TJAP1: variants seen among roughly 807,000 people sequenced by gnomAD.
The protein encoded by TJAP1 is tight junction associated protein 1, also known as tight junction-associated protein 1.
A neutral mutation model predicts 42.0 loss-of-function variants in TJAP1; 27 were observed. The observed-to-expected ratio is 0.64, with a 90% CI of 0.47 to 0.89. The LOEUF (loss-of-function observed/expected upper bound fraction) is 0.89. TJAP1 is among the 40% of genes least tolerant of loss of function. TJAP1 has a pLI of 0.00. For missense variants in TJAP1, 712 were observed against 726.9 expected, an observed-to-expected ratio of 0.98 and a Z score of 0.24; for synonymous variants, 257 against 288.4, an observed-to-expected ratio of 0.89 and a Z score of 1.10.
chr6:43,489,975 C>T (rs1044589311), intron 2 of TJAP1, among the ~76,000 whole-genome samples: 4 of 152,176 alleles, frequency 2.6e-5, no homozygotes, highest in Non-Finnish European at 4.4e-5. Flanking sequence ...ATGAGTCTGT[C>T]GCTAACTGCA....
rs111596658 is a variant in TJAP1 at position 43,491,222 on chromosome 6, C to T, written c.-121-6659C>T. Reference sequence around the variant, plus strand: ...ACTCCTGAGCGGGATGATGATTTCTCGGAGGTTGATAGATTAAGAGACCAA... The same window carrying T: ...ACTCCTGAGCGGGATGATGATTTCTTGGAGGTTGATAGATTAAGAGACCAA... On this transcript the variant is annotated intron_variant, in intron 2 of 10. Coordinates refer to ENST00000372449, the Ensembl canonical transcript of TJAP1. This position sits in a 1 kb window ranked among gnomAD's most constrained non-coding sequence, Gnocchi z 4.6. Among the ~76,000 whole-genome samples, 59 of 152,064 alleles carry T rather than the reference C, an allele frequency of 3.9e-4. 1 individual carries two copies. Among genetic ancestry groups the T allele is most frequent in the Middle Eastern group, 3.4e-3 (1 of 294 alleles).
chr6:43,502,594 C>A, exon 8 of TJAP1: 1 of 1,551,796 alleles, frequency 6.4e-7, no homozygotes, highest in Non-Finnish European at 8.7e-7. Flanking sequence ...TCAGGCCTCT[C>A]TTAGCCACAG....
intron 2 of TJAP1, among the ~76,000 whole-genome samples, chr6:43,488,992 G>T (rs1787191035): frequency 6.6e-6 from 1 of 152,186 alleles, no homozygotes; most frequent in Non-Finnish European, 1.5e-5. Flanking sequence ...TGAGTCATCA[G>T]AGAGCCTGCA....
exon 11 of TJAP1, chr6:43,504,922 C>T (rs775237568): frequency 3.7e-6 from 6 of 1,614,076 alleles, no homozygotes; most frequent in African/African-American, 2.7e-5. Flanking sequence ...TCAATTCAGC[C>T]CAGTCAGGCA....
rs1451369688 is a variant in TJAP1 at position 43,505,703 on chromosome 6, G to A, written c.1522G>A (p.Glu508Lys). ...GCTGCCCATTAACAGGGGCACAGAG[G>A]AGGGGCCAGGCACTTCCCACACCGA... Residue 508 changes from glutamate (E) to lysine (K), a missense_variant, in exon 11 of 11, where the codon GAG (glutamate) becomes AAG (lysine). Physicochemically the swap from Glu to Lys is moderately conservative, Grantham distance 56. This residue lies in a region of TJAP1 where 549 missense variants were observed against 528.2 expected (regional missense o/e 1.04). Transcript: ENST00000372449. The surrounding 1 kb of genome is among the most constrained non-coding windows in gnomAD (Gnocchi z 5.5). 6.3e-7 allele frequency: 1 copy of A among 1,593,986 alleles called. No homozygotes were observed.
intron 10 of TJAP1, 115 bp downstream of exon 10, chr6:43,503,821 C>T: frequency 1.1e-6 from 1 of 917,474 alleles, no homozygotes; most frequent in Non-Finnish European, 1.8e-6. Context: ...TTGCCCTCCT[C>T]TTGCCTCCAT....
chr6:43,486,846 C>A (rs1022696294), intron 2 of TJAP1, among the ~76,000 whole-genome samples: 1 of 152,136 alleles, frequency 6.6e-6, no homozygotes, highest in Non-Finnish European at 1.5e-5. Flanking sequence ...CTTGTTAATG[C>A]CCAGATAAAT....
chr6:43,481,140 T>G (rs182033229), intron 2 of TJAP1, among the ~76,000 whole-genome samples: 2 of 152,320 alleles, frequency 1.3e-5, no homozygotes, highest in East Asian at 3.9e-4. Context: ...TTTAAAAAAA[T>G]GTTTAGGGGC....
intron 6 of TJAP1, among the ~76,000 whole-genome samples, chr6:43,501,952 C>G (rs1790887112): frequency 6.8e-6 from 1 of 147,828 alleles, no homozygotes; most frequent in Admixed American, 6.7e-5. Flanking sequence ...CTCTCTCTCT[C>G]TCTCCTTTCA....
Position 43,480,471 on chromosome 6 carries a change from G to A in TJAP1, c.-122+2239G>A, listed in dbSNP as rs186574979. 1.5e-4 allele frequency among the ~76,000 whole-genome samples: 23 copies of A among 152,320 alleles called. 1 individual carries two copies. The East Asian group carries it at 4.1e-3, about 27-fold the overall frequency. On this transcript the variant is annotated intron_variant, in intron 2 of 10. Coordinates refer to ENST00000372449, the Ensembl canonical transcript of TJAP1. ...TAATGGTGCTTATTGAGCACATTCT[G>A]TGCGTAGGACTGTTGTAAGGGCTTT...
exon 10 of TJAP1, chr6:43,503,674 A>G (rs1315394654): frequency 1.2e-6 from 2 of 1,614,086 alleles, no homozygotes; most frequent in Non-Finnish European, 1.7e-6. Flanking sequence ...CAAGTGCAAC[A>G]AGTCCCACTT....
intron 8 of TJAP1, 105 bp from the exon 9 acceptor site, chr6:43,503,296 G>A: frequency 1.2e-6 from 1 of 812,562 alleles, no homozygotes; most frequent in Admixed American, 2.1e-5. Context: ...CGCCTTGGCT[G>A]CCCTAGCACC....
chr6:43,504,617 A>C (rs1791814670), intron 10 of TJAP1, 144 bp from the exon 11 acceptor site: 1 of 1,058,740 alleles, frequency 9.4e-7, no homozygotes, highest in African/African-American at 1.6e-5. Flanking sequence ...GAGGGTATAC[A>C]CACTGGCATG....
rs1239424146 is a variant in TJAP1 at position 43,495,903 on chromosome 6, A to G, written c.-121-1978A>G. On this transcript the variant is annotated intron_variant, in intron 2 of 10. Coordinates refer to ENST00000372449, the Ensembl canonical transcript of TJAP1. The surrounding 1 kb of genome is among the most constrained non-coding windows in gnomAD (Gnocchi z 4.6). ...GGAGTGAAGCAGCCTTCCCTACAGG[A>G]TTGCTGGACACCCAAGTGCGTTTGT... 6.6e-6 allele frequency among the ~76,000 whole-genome samples: 1 copy of G among 152,082 alleles called. No homozygotes were observed. The highest frequency in any genetic ancestry group is 1.5e-5 in the Non-Finnish European group (1 of 68,006).
intron 2 of TJAP1, among the ~76,000 whole-genome samples, chr6:43,481,147 G>T (rs1413498301): frequency 1.3e-5 from 2 of 152,040 alleles, no homozygotes; most frequent in Non-Finnish European, 2.9e-5. Context: ...AAATGTTTAG[G>T]GGCTGAGTTT....
rs575237415 is a variant in TJAP1 at position 43,488,324 on chromosome 6, A to G, written c.-121-9557A>G. 5.9e-5 allele frequency among the ~76,000 whole-genome samples: 9 copies of G among 152,336 alleles called. No homozygotes were observed. The East Asian group carries it at 1.7e-3, about 29-fold the overall frequency. ...GGAGCCTGGTTACAGCCTCCTTCCC[A>G]GTCGAGTGAGTTCCTCTGGGGCTGG... is the stretch of plus-strand genomic sequence containing the variant. On this transcript the variant is annotated intron_variant, in intron 2 of 10. Transcript: ENST00000372449.
At chr6:43,490,566 A>T (rs1393938654) in intron 2 of TJAP1, among the ~76,000 whole-genome samples, 1 of 152,142 alleles carries the variant, frequency 6.6e-6, no homozygotes, top group Non-Finnish European at 1.5e-5. Context: ...TCTCTTTAGG[A>T]TTGGGGAGGT....
intron 2 of TJAP1, among the ~76,000 whole-genome samples, chr6:43,481,032 A>G (rs1311660292): frequency 1.3e-5 from 2 of 152,022 alleles, no homozygotes; most frequent in Non-Finnish European, 2.9e-5. Context: ...CGTAGTGGCA[A>G]TTTGTATTTC....
chr6:43,502,563 C>T (rs760150731), intron 7 of TJAP1, 25 bp from the exon 8 acceptor site: 38 of 1,551,638 alleles, frequency 2.4e-5, no homozygotes, highest in South Asian at 4.8e-5. Context: ...ATGCTGCCAC[C>T]GTTGCTGCTG....
Sources: allele counts gnomAD v4.1 joint callset (sites outside exome capture counted in the v4.1 genomes callset), GRCh38; gene constraint gnomAD v4.1.1; regional missense constraint gnomAD v4.1.1; non-coding constraint Gnocchi (gnomAD v3.1); transcripts MANE v1.5; gene names NCBI Gene and HGNC (gene_info 2026-07-23, HGNC 2026-07-21).